DNAH3: variants seen among roughly 807,000 people sequenced by gnomAD.
DNAH3 encodes the protein axonemal beta dynein heavy chain 3.
DNAH3 carries 332 observed loss-of-function variants against 432.5 expected under a neutral mutation model. That is an observed-to-expected ratio of 0.77 (90% CI 0.70 to 0.84). DNAH3 has a LOEUF of 0.84. DNAH3 is among the 40% of genes least tolerant of loss of function. The pLI is 0.00. For synonymous variants in DNAH3, 1,956 were observed against 1,900.2 expected, an observed-to-expected ratio of 1.03 and a Z score of -0.76; for missense variants, 4,861 against 5,114.0, an observed-to-expected ratio of 0.95 and a Z score of 1.51.
intron 56 of DNAH3, among the ~76,000 whole-genome samples, chr16:20,950,335 T>C (rs1184068421): frequency 6.6e-6 from 1 of 152,184 alleles, no homozygotes; most frequent in Non-Finnish European, 1.5e-5. Context: ...CATGTTGGAC[T>C]GGATAGTTCT....
intron 10 of DNAH3, 67 bp downstream of exon 11, chr16:21,121,878 T>A: frequency 7.0e-7 from 1 of 1,426,284 alleles, no homozygotes; most frequent in Non-Finnish European, 9.6e-7. Context: ...TTGTACAACC[T>A]CTTTCAATAC....
chr16:20,983,028 C>T (rs2085986343), intron 48 of DNAH3, 142 bp from the exon 49 acceptor site: 3 of 787,146 alleles, frequency 3.8e-6, no homozygotes, highest in Non-Finnish European at 6.2e-6. Context: ...TGTCAATGGC[C>T]ATAATGAGTG....
At chr16:20,951,408 T>C (rs2084301871) in intron 56 of DNAH3, among the ~76,000 whole-genome samples, 1 of 151,908 alleles carries the variant, frequency 6.6e-6, no homozygotes, top group Non-Finnish European at 1.5e-5. Flanking sequence ...CTTCTACTTA[T>C]AAATGTTTCT....
intron 27 of DNAH3, among the ~76,000 whole-genome samples, chr16:21,055,261 G>A (rs1191858900): frequency 6.6e-6 from 1 of 152,028 alleles, no homozygotes; most frequent in African/African-American, 2.4e-5. Context: ...TTGCCATGTT[G>A]GCCAGGCTGG....
At chr16:21,121,918 A>G (rs1291149956) in intron 10 of DNAH3, 27 bp downstream of exon 11, 2 of 1,562,588 alleles carry the variant, frequency 1.3e-6, no homozygotes, top group East Asian at 2.3e-5. Context: ...AAAATCATGC[A>G]AATGAATGAT....
intron 49 of DNAH3, among the ~76,000 whole-genome samples, chr16:20,980,851 A>C (rs914910355): frequency 6.6e-6 from 1 of 152,178 alleles, no homozygotes; most frequent in Admixed American, 6.5e-5. Context: ...CCTTTTCTGG[A>C]AAGGGTCAGA....
chr16:20,952,910 G>A (rs1378399874), intron 55 of DNAH3, among the ~76,000 whole-genome samples: 1 of 152,134 alleles, frequency 6.6e-6, no homozygotes, highest in Non-Finnish European at 1.5e-5. Context: ...CTACGACTGG[G>A]CAACAGAGCC....
In DNAH3 at chr16:21,119,555, G is replaced by C. The variant is rs796497068; in HGVS notation, c.1699+1185C>G. Among the ~76,000 whole-genome samples, 3 of 151,922 alleles carry C rather than the reference G, an allele frequency of 2.0e-5. 1 individual carries two copies. Among genetic ancestry groups the C allele is most frequent in the African/African-American group, 7.2e-5 (3 of 41,436 alleles). On this transcript the variant is annotated intron_variant, in intron 11 of 61. Transcript: ENST00000261383. Reference sequence around the variant, plus strand: ...TGAGATGGGAGGATGGCTTGAGCCTGGGAGGTAGAGGTTGCCTCCCGGGCT... The same window carrying C: ...TGAGATGGGAGGATGGCTTGAGCCTCGGAGGTAGAGGTTGCCTCCCGGGCT...
chr16:21,100,406 G>T (rs1446700607), intron 16 of DNAH3, among the ~76,000 whole-genome samples: 1 of 152,064 alleles, frequency 6.6e-6, no homozygotes, highest in Non-Finnish European at 1.5e-5. Flanking sequence ...TTTTTGTTTT[G>T]TAATAAGCTG....
chr16:20,948,560 A>G (rs2084162013), exon 57 of DNAH3: 2 of 1,614,138 alleles, frequency 1.2e-6, no homozygotes, highest in African/African-American at 1.3e-5. Flanking sequence ...ATTTCCTTAC[A>G]GTAGAACATG....
chr16:20,987,722 C>A, exon 46 of DNAH3: 2 of 1,614,106 alleles, frequency 1.2e-6, no homozygotes, highest in South Asian at 2.2e-5. Flanking sequence ...CACAGCAGGA[C>A]CCCTTGAATC....
Position 20,974,543 on chromosome 16 carries a change from A to G in DNAH3, c.8259+690T>C, listed in dbSNP as rs561417841. ...ATCAGCCTCCTGAGTAGCTGGGACT[A>G]CATGGGTGTGCCACTACACCTGGCT... is the stretch of plus-strand genomic sequence containing the variant. On this transcript the variant is annotated intron_variant, in intron 51 of 61. Transcript: ENST00000261383. Among the ~76,000 whole-genome samples, 3 of 149,082 alleles carry G rather than the reference A, an allele frequency of 2.0e-5. No homozygotes were observed. In the East Asian group the frequency reaches 6.0e-4, roughly 30 times the overall value.
At chr16:20,940,378 T>C (rs1213036991) in intron 59 of DNAH3, among the ~76,000 whole-genome samples, 1 of 152,090 alleles carries the variant, frequency 6.6e-6, no homozygotes, top group Non-Finnish European at 1.5e-5. Flanking sequence ...TTCTTACTTG[T>C]AAAATGCTGG....
chr16:20,943,991 AAAAAG>A (rs966921663), intron 58 of DNAH3, among the ~76,000 whole-genome samples: 18 of 151,960 alleles, frequency 1.2e-4, no homozygotes, highest in East Asian at 3.9e-4. Flanking sequence ...CTCAAAAAAA[AAAAAG>A]AAAAGAAAAG....
intron 2 of DNAH3, 79 bp downstream of exon 3, chr16:21,145,905 T>C (rs918814034): frequency 1.2e-5 from 11 of 943,712 alleles, no homozygotes; most frequent in East Asian, 9.7e-5. Context: ...ATTGAGTACC[T>C]GCCAAATACG....
intron 41 of DNAH3, chr16:21,019,258 G>A (rs550984262): frequency 8.1e-4 from 184 of 225,894 alleles, no homozygotes; most frequent in Non-Finnish European, 7.2e-4. Context: ...CCGGACTCAA[G>A]CAATCCTCCT....
intron 41 of DNAH3, among the ~76,000 whole-genome samples, chr16:21,015,924 G>A (rs1214633430): frequency 6.6e-6 from 1 of 152,078 alleles, no homozygotes; most frequent in Non-Finnish European, 1.5e-5. Flanking sequence ...GAGTAGCTGG[G>A]ACTACAGGTG....
intron 44 of DNAH3, among the ~76,000 whole-genome samples, chr16:20,994,437 ATAAAT>A (rs2086680055): frequency 6.6e-6 from 1 of 152,188 alleles, no homozygotes; most frequent in African/African-American, 2.4e-5. Context: ...GTCTCAAAAT[ATAAAT>A]TAATTAATTA....
chr16:20,939,410 G>A (rs936555199), intron 59 of DNAH3, among the ~76,000 whole-genome samples: 5 of 152,126 alleles, frequency 3.3e-5, no homozygotes, highest in African/African-American at 9.7e-5. Flanking sequence ...TCAGGAGTTC[G>A]AGACCAGCCT....
Sources: allele counts gnomAD v4.1 joint callset (sites outside exome capture counted in the v4.1 genomes callset), GRCh38; gene constraint gnomAD v4.1.1; transcripts MANE v1.5; gene names NCBI Gene and HGNC (gene_info 2026-07-23, HGNC 2026-07-21).